MUSK: variants seen among roughly 807,000 people sequenced by gnomAD.
MUSK encodes muscle associated receptor tyrosine kinase, also known as muscle, skeletal receptor tyrosine-protein kinase.
MUSK carries 55 observed loss-of-function variants against 88.7 expected under a neutral mutation model. That is an observed-to-expected ratio of 0.62 (90% confidence interval 0.50 to 0.78). The LOEUF (loss-of-function observed/expected upper bound fraction) is 0.78, where lower values mean the gene tolerates loss of function less well. MUSK is among the 30% of genes least tolerant of loss of function. The pLI, the probability that MUSK is intolerant of heterozygous loss-of-function variation, is 0.00. For synonymous variants in MUSK, 387 were observed against 391.9 expected (o/e 0.99, Z 0.15); for missense variants, 1,015 against 1,074.3 (o/e 0.94, Z 0.77).
rs1206654890 is a variant in MUSK, at chr9:110,802,508, A to G, written c.*1520A>G. Among the ~76,000 whole-genome samples, 1 of 152,188 alleles carries G rather than the reference A, an allele frequency of 6.6e-6. No individual in the cohort carries two copies. Among genetic ancestry groups the G allele is most frequent in the Non-Finnish European group, 1.5e-5 (1 of 68,032 alleles). ...CTGTCTGCTGGAAAACTCTGCCTGA[A>G]ATCCCCAAATCTGCCTCATGTAACA... On this transcript the variant is annotated 3_prime_UTR_variant, in exon 15 of 15. Coordinates refer to ENST00000374448, the MANE Select transcript of MUSK (RefSeq NM_005592.4).
chr9:110,779,056 C>CTGTG (rs1280446736), intron 11 of MUSK, among the ~76,000 whole-genome samples: 4 of 103,486 alleles, frequency 3.9e-5, no homozygotes, highest in Admixed American at 1.6e-4. Context: ...GCGTCAGTGT[C>CTGTG]TCTGTGTGTG....
At chr9:110,671,856 C>T (rs2075961031) in intron 1 of MUSK, among the ~76,000 whole-genome samples, 1 of 152,164 alleles carries the variant, frequency 6.6e-6, no homozygotes, top group South Asian at 2.1e-4. Flanking sequence ...TCTGGATTTG[C>T]TTAATATGCA....
At chr9:110,759,795 G>A (rs2077373093) in intron 7 of MUSK, among the ~76,000 whole-genome samples, 1 of 152,168 alleles carries the variant, frequency 6.6e-6, no homozygotes, top group South Asian at 2.1e-4. Flanking sequence ...CAGTTAGAGT[G>A]GCTATTATTA....
chr9:110,756,224 A>C (rs1021350434), intron 7 of MUSK, among the ~76,000 whole-genome samples: 1 of 151,678 alleles, frequency 6.6e-6, no homozygotes, highest in Middle Eastern at 3.2e-3. Context: ...CTCCTAGGAC[A>C]TTTGGGTTCT....
At chr9:110,768,230 G>T (rs1428093630) in intron 9 of MUSK, 147 bp downstream of exon 9, 2 of 833,960 alleles carry the variant, frequency 2.4e-6, no homozygotes, top group African/African-American at 1.7e-5. Context: ...GGGTGCAGTG[G>T]CTCATGCCTG....
At chr9:110,699,346 A>G (rs2076472432) in intron 5 of MUSK, among the ~76,000 whole-genome samples, 1 of 152,172 alleles carries the variant, frequency 6.6e-6, no homozygotes, top group African/African-American at 2.4e-5. Context: ...CACATTTAGC[A>G]CACATGCCTA....
rs528977641 is a variant in MUSK, at chr9:110,700,143, T to G, written c.628+2677T>G. On this transcript the variant is annotated intron_variant, in intron 5 of 14. Transcript: ENST00000374448. The stretch of plus-strand genomic sequence containing the variant: ...ATGGAACCATCTAACTCAAGCGTGG[T>G]GCAGCATGGATGTCTTTCTGAAAGG... Among the ~76,000 whole-genome samples the G allele has an allele frequency of 2.6e-5, 4 of 152,338 alleles. No homozygotes were observed. In the South Asian group the frequency reaches 8.3e-4, roughly 32 times the overall value.
rs2077190279 is a variant in MUSK at position 110,747,652 on chromosome 9, G to A, written c.765G>A (p.Gly255=). The A allele has an allele frequency of 1.2e-6, 2 of 1,611,446 alleles. No individual in the cohort carries two copies. The highest frequency in any genetic ancestry group is 1.7e-5 in the Admixed American group (1 of 59,938). ...CTTTACTCTGTCAGGTTTCTTCTGGGTCCATTCAAGAGAGTGTGAAAGACC... is the reference window on the plus strand; with the variant it reads ...CTTTACTCTGTCAGGTTTCTTCTGGATCCATTCAAGAGAGTGTGAAAGACC... ...WIENGNAVSS[G]SIQESVKDRV... is the part of the protein sequence containing the mutation. The change falls in exon 7 of 15, where the codon GGG becomes GGA. Residue 255 remains glycine (G), a synonymous_variant. Transcript: ENST00000374448.
chr9:110,761,567 C>CTTTTTTT (rs1168716499), intron 7 of MUSK, among the ~76,000 whole-genome samples: 1 of 52,720 alleles, frequency 1.9e-5, no homozygotes, highest in Non-Finnish European at 3.6e-5. Context: ...CCACATCTTG[C>CTTTTTTT]TTTTTTTTTT....
At position 110,687,384 on chromosome 9, in the gene MUSK, G is replaced by A. The variant is rs546002718; in HGVS notation, c.358+116G>A. 53 of 1,207,224 alleles carry A rather than the reference G, an allele frequency of 4.4e-5. No individual in the cohort carries two copies. In the African/African-American group the frequency reaches 7.9e-4, roughly 18 times the overall value. The allele number at this position is 1,207,224 out of a possible 1,614,324, so 74.8% of individuals were successfully genotyped here. A position where few individuals can be genotyped will look rare whatever the true frequency, so the allele number is the denominator to read the frequency against. On this transcript the variant is annotated intron_variant, in intron 3 of 14. Transcript: ENST00000374448. ...GAGTCTCACTCTGTTGCTCAGGCTG[G>A]AGTGCAGTGGCATGATCTCGGTTCA...
At chr9:110,689,271 T>C (rs1229520516) in intron 3 of MUSK, among the ~76,000 whole-genome samples, 1 of 118,238 alleles carries the variant, frequency 8.5e-6, no homozygotes, top group South Asian at 2.4e-4. Flanking sequence ...TATTGTATAG[T>C]TATATTTATA....
intron 5 of MUSK, among the ~76,000 whole-genome samples, chr9:110,733,660 G>A (rs753710898): frequency 9.2e-5 from 14 of 151,730 alleles, no homozygotes; most frequent in Non-Finnish European, 1.8e-4. Context: ...GGTGTAAAGT[G>A]TAATTATTTG....
intron 5 of MUSK, among the ~76,000 whole-genome samples, chr9:110,722,023 A>G (rs1564244891): frequency 6.6e-6 from 1 of 152,164 alleles, no homozygotes; most frequent in Non-Finnish European, 1.5e-5. Context: ...TGGTGCTGGG[A>G]TAATTGGCAA....
chr9:110,789,408 G>A (rs1008283343), intron 14 of MUSK, among the ~76,000 whole-genome samples: 4 of 152,250 alleles, frequency 2.6e-5, no homozygotes, highest in Non-Finnish European at 5.9e-5. Flanking sequence ...TGAGTGAATG[G>A]AGGTGCCATT....
intron 7 of MUSK, among the ~76,000 whole-genome samples, chr9:110,755,314 T>G (rs912500641): frequency 1.3e-5 from 2 of 152,190 alleles, no homozygotes; most frequent in Non-Finnish European, 2.9e-5. Flanking sequence ...GCTAAAACCC[T>G]ACTCTGGATC....
In MUSK at chr9:110,800,972, G is replaced by A. The variant is rs750132076; in HGVS notation, c.2594G>A (p.Gly865Glu). The change falls in exon 15 of 15, where the codon GGA becomes GAA. Residue 865 changes from glycine to glutamate, a missense_variant. By Grantham distance (98) the Gly-to-Glu change is moderately conservative. Transcript: ENST00000374448. ...GAACGCATGTGTGAGAGGGCAGAGG[G>A]AACTGTGAGTGTCTAAGGTTGAAGA... ...ILERMCERAE[G>E]TVSV 1 of 1,516,624 alleles carries A rather than the reference G, an allele frequency of 6.6e-7. No individual in the cohort carries two copies. Among genetic ancestry groups the A allele is most frequent in the Non-Finnish European group, 8.8e-7 (1 of 1,134,812 alleles). The allele number at this position is 1,516,624 out of a possible 1,614,324, so 93.9% of individuals were successfully genotyped here.
rs747804807 is a variant in MUSK at position 110,800,538 on chromosome 9, G to A, written c.2160G>A (p.Lys720=). 1.2e-6 allele frequency: 2 copies of A among 1,613,760 alleles called. No individual in the cohort carries two copies. The highest frequency in any genetic ancestry group is 1.7e-5 in the Admixed American group (1 of 60,014). ...AAGMAYLSER[K]FVHRDLATRN... ...GCATGGCTTACCTCTCAGAACGTAA[G>A]TTTGTTCACCGAGATTTAGCCACCA... The change falls in exon 15 of 15, where the codon AAG becomes AAA. Residue 720 remains lysine (K), a synonymous_variant. Coordinates refer to ENST00000374448, the MANE Select transcript of MUSK (RefSeq NM_005592.4).
At chr9:110,725,133 T>C (rs1404943452) in intron 5 of MUSK, among the ~76,000 whole-genome samples, 1 of 152,036 alleles carries the variant, frequency 6.6e-6, no homozygotes, top group East Asian at 1.9e-4. Context: ...AGATCATTAT[T>C]CTAAGTGAAG....
intron 6 of MUSK, among the ~76,000 whole-genome samples, chr9:110,746,870 C>T (rs2077180280): frequency 6.6e-6 from 1 of 152,188 alleles, no homozygotes; most frequent in Admixed American, 6.5e-5. Context: ...TTTTTCCTGA[C>T]AACCATCCAC....
Sources: allele counts gnomAD v4.1 joint callset (sites outside exome capture counted in the v4.1 genomes callset), GRCh38; gene constraint gnomAD v4.1.1; transcripts MANE v1.5; gene names NCBI Gene and HGNC (gene_info 2026-07-23, HGNC 2026-07-21).